The following TRPM3 variants were observed in gnomAD, a reference collection of about 807,000 sequenced individuals.
TRPM3 encodes the protein long transient receptor potential channel 3.
Under a neutral mutation model 181.2 loss-of-function variants are expected in TRPM3, and 77 were observed. The observed-to-expected ratio is 0.42, with a 90% CI of 0.35 to 0.51. The LOEUF (loss-of-function observed/expected upper bound fraction) is 0.51. Among genes scored for constraint, TRPM3 ranks in the 20% least tolerant of loss-of-function variants. The pLI is 0.01. For missense variants in TRPM3, 1,759 were observed against 2,196.7 expected (o/e 0.80, Z 3.98); for synonymous variants, 745 against 796.4 (o/e 0.94, Z 1.09).
chr9:70,936,447 C>T (rs927081796), intron 1 of TRPM3, among the ~76,000 whole-genome samples: 8 of 152,162 alleles, frequency 5.3e-5, no homozygotes, highest in Non-Finnish European at 1.0e-4. Context: ...GTTTCATTAT[C>T]AACCCTTTGG....
intron 1 of TRPM3, among the ~76,000 whole-genome samples, chr9:71,446,086 C>G (rs1341608672): frequency 6.6e-6 from 1 of 152,166 alleles, no homozygotes; most frequent in Non-Finnish European, 1.5e-5. Context: ...CTTGTCTGAA[C>G]GCTGTATATG....
chr9:70,751,708 A>T (rs1309487983), intron 8 of TRPM3, among the ~76,000 whole-genome samples: 2 of 152,158 alleles, frequency 1.3e-5, no homozygotes, highest in Non-Finnish European at 2.9e-5. Context: ...TAATAGAGTT[A>T]CTGTTCAAGA....
chr9:71,117,495 G>A (rs893814415), intron 1 of TRPM3, among the ~76,000 whole-genome samples: 4 of 151,960 alleles, frequency 2.6e-5, no homozygotes, highest in African/African-American at 9.7e-5. Flanking sequence ...AATAGACAAC[G>A]TTCTTCAATG....
intron 9 of TRPM3, among the ~76,000 whole-genome samples, chr9:70,672,174 A>T (rs1375356762): frequency 6.6e-6 from 1 of 152,168 alleles, no homozygotes; most frequent in Non-Finnish European, 1.5e-5. Context: ...GAATACAGCT[A>T]ACCCCATCTC....
intron 1 of TRPM3, among the ~76,000 whole-genome samples, chr9:70,911,962 G>A (rs2096542768): frequency 6.6e-6 from 1 of 152,204 alleles, no homozygotes; most frequent in Admixed American, 6.5e-5. Context: ...TGGATAAAGA[G>A]TGGCTCAGTA....
chr9:71,122,458 G>C (rs2073751566), upstream of TRPM3, among the ~76,000 whole-genome samples: 1 of 152,218 alleles, frequency 6.6e-6, no homozygotes, highest in Non-Finnish European at 1.5e-5. Flanking sequence ...GGACCTCAGT[G>C]GGAGCAGTTG....
chr9:71,433,089 A>T lies in TRPM3; in HGVS notation c.183+13564T>A, dbSNP rs191585114. On this transcript the variant is annotated intron_variant, in intron 1 of 24. Transcript: ENST00000357533. ...TTTGTCTTCATTTCTATGCTGTGCT[A>T]TGAATATAATCTTCAGCTTTCTTTA... 2.0e-5 allele frequency among the ~76,000 whole-genome samples: 3 copies of T among 152,344 alleles called. No homozygotes were observed. The East Asian group carries it at 5.8e-4, about 29-fold the overall frequency.
chr9:70,809,705 G>A (rs574310461), intron 6 of TRPM3, among the ~76,000 whole-genome samples: 16 of 152,268 alleles, frequency 1.1e-4, no homozygotes, highest in African/African-American at 2.6e-4. Flanking sequence ...TAACCCCATC[G>A]TTAAGCAATG....
chr9:71,210,131 C>T (rs866886884), intron 1 of TRPM3, among the ~76,000 whole-genome samples: 4 of 152,158 alleles, frequency 2.6e-5, no homozygotes, highest in Non-Finnish European at 5.9e-5. Context: ...GCCTAAGCTC[C>T]GCCTCCTGTC....
At chr9:71,443,013 C>G (rs892734580) in intron 1 of TRPM3, among the ~76,000 whole-genome samples, 1 of 152,160 alleles carries the variant, frequency 6.6e-6, no homozygotes, top group Non-Finnish European at 1.5e-5. Context: ...TATCCAGAAA[C>G]TTAATTTGAT....
intron 1 of TRPM3, among the ~76,000 whole-genome samples, chr9:71,385,247 C>G (rs10869017): frequency 0.46 from 69,751 of 151,902 alleles, 17,468 homozygotes; most frequent in East Asian, 0.6. Flanking sequence ...AAATATCAAT[C>G]TAGAAAACTA....
At chr9:70,833,838 T>C (rs981229659) in intron 5 of TRPM3, among the ~76,000 whole-genome samples, 6 of 152,056 alleles carry the variant, frequency 3.9e-5, no homozygotes, top group African/African-American at 1.2e-4. Flanking sequence ...CAAAATGGCA[T>C]TGTGCTTTGG....
At chr9:71,164,682 G>A (rs964581915) in intron 1 of TRPM3, among the ~76,000 whole-genome samples, 4 of 152,092 alleles carry the variant, frequency 2.6e-5, no homozygotes, top group Non-Finnish European at 5.9e-5. Context: ...TTGGAACTTC[G>A]ACTAAATTTT....
intron 1 of TRPM3, among the ~76,000 whole-genome samples, chr9:70,927,513 A>G (rs2096732229): frequency 1.3e-5 from 2 of 152,240 alleles, no homozygotes; most frequent in African/African-American, 4.8e-5. Flanking sequence ...TTAGAAAAGC[A>G]TATTAAGGTT....
intron 9 of TRPM3, 68 bp from the exon 10 acceptor site, chr9:70,640,728 C>T (rs531821332): frequency 1.4e-5 from 17 of 1,242,700 alleles, no homozygotes; most frequent in East Asian, 4.9e-5. Context: ...ACACCAAGAG[C>T]GCCTGCTCCA....
intron 12 of TRPM3, among the ~76,000 whole-genome samples, chr9:70,629,225 G>A (rs1435910291): frequency 1.1e-5 from 1 of 89,372 alleles, no homozygotes; most frequent in African/African-American, 3.6e-5. Context: ...CGGGGGGGGG[G>A]GGGGCCTGCG....
chr9:70,987,277 A>T (rs945467531), intron 1 of TRPM3, among the ~76,000 whole-genome samples: 1 of 152,138 alleles, frequency 6.6e-6, no homozygotes, highest in Non-Finnish European at 1.5e-5. Flanking sequence ...TAAATGCTTG[A>T]TCTAGTGCTT....
rs540979362 is a variant in TRPM3, at chr9:71,241,110, C to A, written c.183+205543G>T. 1.8e-4 allele frequency among the ~76,000 whole-genome samples: 27 copies of A among 152,258 alleles called. No homozygotes were observed. The South Asian group carries it at 5.6e-3, about 32-fold the overall frequency. ...GAAAAATAACTTAAAATTTTCACTT[C>A]TTTGTAGGATTTAAAGCTAATAGCA... On this transcript the variant is annotated intron_variant, in intron 1 of 24. Coordinates refer to the TRPM3 transcript ENST00000357533.
intron 22 of TRPM3, among the ~76,000 whole-genome samples, chr9:70,558,918 A>G (rs963382075): frequency 2.6e-5 from 4 of 152,204 alleles, no homozygotes; most frequent in Non-Finnish European, 5.9e-5. Context: ...TGTGTTAACT[A>G]TGCATTAATA....
Sources: gnomAD v4.1 joint callset for allele counts (sites outside exome capture counted in the v4.1 genomes callset) on GRCh38, gnomAD v4.1.1 for gene constraint, MANE v1.5 for transcripts, NCBI Gene and HGNC (gene_info 2026-07-23, HGNC 2026-07-21) for gene names.